The following ATP8B1 variants were observed in gnomAD, a reference collection of about 807,000 sequenced individuals.
ATP8B1 encodes the protein phospholipid-transporting ATPase IC.
In ATP8B1, 80 loss-of-function variants were observed where a neutral mutation model predicts 149.9. The observed-to-expected ratio is 0.53, with a 90% CI of 0.45 to 0.64. ATP8B1 has a LOEUF of 0.64. Ranked by LOEUF, ATP8B1 falls within the 30% of genes least tolerant of loss-of-function variation. ATP8B1 has a pLI of 0.00. For missense variants in ATP8B1, 1,247 were observed against 1,552.6 expected (o/e 0.80, Z 3.31); for synonymous variants, 536 against 562.8 (o/e 0.95, Z 0.67).
At chr18:57,758,470 G>A (rs961144986) in intron 1 of ATP8B1, among the ~76,000 whole-genome samples, 14 of 141,966 alleles carry the variant, frequency 9.9e-5, no homozygotes, top group Admixed American at 2.2e-4. Context: ...GAGAAACCCC[G>A]TCTCTACTAA....
intron 1 of ATP8B1, among the ~76,000 whole-genome samples, chr18:57,736,507 C>G (rs139980576): frequency 4.0e-5 from 5 of 125,124 alleles, no homozygotes; most frequent in African/African-American, 1.5e-4. Flanking sequence ...GTCACTCAGG[C>G]TAGAGTGTAG....
chr18:57,659,713 C>A (rs1305602358), intron 22 of ATP8B1: 3 of 150,256 alleles, frequency 2.0e-5, no homozygotes, highest in African/African-American at 7.4e-5. Flanking sequence ...CACAGACATA[C>A]GCACTGATAA....
chr18:57,791,419 T>A (rs2123452289), intron 1 of ATP8B1, among the ~76,000 whole-genome samples: 1 of 150,900 alleles, frequency 6.6e-6, no homozygotes, highest in African/African-American at 2.4e-5. Context: ...GGTACAATTT[T>A]GGCTCACTGT....
chr18:57,752,244 A>AAT (rs749341376), intron 1 of ATP8B1, among the ~76,000 whole-genome samples: 3 of 149,920 alleles, frequency 2.0e-5, no homozygotes, highest in African/African-American at 7.3e-5. Flanking sequence ...TAATAATAAT[A>AAT]AATGATAATC....
intron 2 of ATP8B1, 83 bp downstream of exon 2, chr18:57,731,544 A>C: frequency 6.7e-7 from 1 of 1,482,502 alleles, no homozygotes; most frequent in South Asian, 1.2e-5. Flanking sequence ...CACGCAAAAT[A>C]GACCGATCAT....
intron 2 of ATP8B1, among the ~76,000 whole-genome samples, chr18:57,709,836 C>T (rs973681705): frequency 2.0e-5 from 3 of 151,734 alleles, no homozygotes; most frequent in Non-Finnish European, 4.4e-5. Flanking sequence ...CACACCACCA[C>T]GCCCGGCTAA....
chr18:57,786,977 C>T (rs1427617101), intron 1 of ATP8B1, among the ~76,000 whole-genome samples: 8 of 152,062 alleles, frequency 5.3e-5, no homozygotes, highest in Admixed American at 5.2e-4. Context: ...GAAGAATGAC[C>T]CCTAACAACT....
At chr18:57,781,042 CAGACATGA>C (rs1391765447) in intron 1 of ATP8B1, among the ~76,000 whole-genome samples, 1 of 152,190 alleles carries the variant, frequency 6.6e-6, no homozygotes, top group African/African-American at 2.4e-5. Flanking sequence ...ATGTTAAAAT[CAGACATGA>C]AGACCATTCA....
At chr18:57,762,589 C>G (rs1599208604) in intron 1 of ATP8B1, among the ~76,000 whole-genome samples, 1 of 152,186 alleles carries the variant, frequency 6.6e-6, no homozygotes. Flanking sequence ...AAGTCTTACT[C>G]TCAAGAGTGG....
Position 57,748,348 on chromosome 18 carries a change from G to A in ATP8B1, c.-25-16516C>T, listed in dbSNP as rs566616728. ...CCAGAATAAAATCCCTTGGAGACAT[G>A]CTGCCACAAGCCAAGGAACTTCCAG... On this transcript the variant is annotated intron_variant, in intron 1 of 27. Coordinates refer to ENST00000648908, the MANE Select transcript of ATP8B1 (RefSeq NM_001374385.1). Among the ~76,000 whole-genome samples, 5 of 152,302 alleles carry A rather than the reference G, an allele frequency of 3.3e-5. No homozygotes were observed. In the South Asian group the frequency reaches 8.3e-4, roughly 25 times the overall value.
At chr18:57,776,698 A>C (rs192094565) in intron 1 of ATP8B1, among the ~76,000 whole-genome samples, 1 of 152,078 alleles carries the variant, frequency 6.6e-6, no homozygotes, top group East Asian at 1.9e-4. Context: ...AAAAAAAAAA[A>C]AAAGAAAGAA....
intron 2 of ATP8B1, among the ~76,000 whole-genome samples, chr18:57,713,089 A>G (rs1173650956): frequency 2.6e-5 from 4 of 152,136 alleles, no homozygotes; most frequent in Non-Finnish European, 5.9e-5. Context: ...GGCCATGGTG[A>G]GAGATTCCTT....
intron 6 of ATP8B1, 146 bp from the exon 7 acceptor site, chr18:57,698,013 A>G: frequency 1.4e-6 from 1 of 713,958 alleles, no homozygotes; most frequent in Non-Finnish European, 2.5e-6. Context: ...ATGTAAACAT[A>G]TTAAAGGGGG....
At position 57,650,664 on chromosome 18, in the gene ATP8B1, G is replaced by A. The variant is rs8097764; in HGVS notation, c.3401-167C>T. ...TCGAGACCAGCCTGGGCAACATGGT[G>A]AAACCCCGTCTCTACTAAAATACAA... On this transcript the variant is annotated intron_variant, in intron 26 of 27. Transcript: ENST00000648908. Among the ~76,000 whole-genome samples the A allele has an allele frequency of 0.079, 12,029 of 152,052 alleles. 644 individuals are homozygous for A. The highest frequency in any genetic ancestry group is 0.11 in the Non-Finnish European group (7,780 of 67,978).
chr18:57,772,043 A>G (rs977902044), intron 1 of ATP8B1, among the ~76,000 whole-genome samples: 3 of 152,224 alleles, frequency 2.0e-5, no homozygotes, highest in African/African-American at 7.2e-5. Flanking sequence ...CCCTAAAGTT[A>G]TCCTAAAAAC....
At chr18:57,751,920 T>G (rs1568054042) in intron 1 of ATP8B1, among the ~76,000 whole-genome samples, 2 of 152,152 alleles carry the variant, frequency 1.3e-5, no homozygotes, top group East Asian at 3.9e-4. Flanking sequence ...AATCCAAAGG[T>G]GCAGGCAAGG....
chr18:57,654,986 C>T lies in ATP8B1; in HGVS notation c.2931+208G>A, dbSNP rs76889037. On this transcript the variant is annotated intron_variant, in intron 23 of 27. Coordinates refer to ENST00000648908, the MANE Select transcript of ATP8B1 (RefSeq NM_001374385.1). ...ACAGGCGTGAGCCACCATGCCTGGC[C>T]AAATCCCCTCCTTTCTAAGGTAAAA... 6.4e-3 allele frequency among the ~76,000 whole-genome samples: 975 copies of T among 152,246 alleles called. 17 individuals carry two copies. The highest frequency in any genetic ancestry group is 0.022 in the African/African-American group (916 of 41,534).
intron 1 of ATP8B1, among the ~76,000 whole-genome samples, chr18:57,782,331 G>T (rs1378679167): frequency 6.6e-6 from 1 of 152,224 alleles, no homozygotes; most frequent in African/African-American, 2.4e-5. Context: ...CGCCAATCCA[G>T]CATCCTTACG....
chr18:57,657,130 A>G (rs1223669424), intron 22 of ATP8B1, among the ~76,000 whole-genome samples: 1 of 151,612 alleles, frequency 6.6e-6, no homozygotes, highest in South Asian at 2.1e-4. Context: ...CTCAAATTTA[A>G]TTTTTTCTTA....
Sources: gnomAD v4.1 joint callset for allele counts (sites outside exome capture counted in the v4.1 genomes callset) on GRCh38, gnomAD v4.1.1 for gene constraint, MANE v1.5 for transcripts, NCBI Gene and HGNC (gene_info 2026-07-23, HGNC 2026-07-21) for gene names.